Variants in NXN observed in about 807,000 individuals in gnomAD.
NXN encodes the protein nucleoredoxin 1.
Under a neutral mutation model 48.6 loss-of-function variants are expected in NXN, and 16 were observed. The ratio of observed to expected loss-of-function variants is 0.33; its 90% confidence interval spans 0.22 to 0.50. The LOEUF is 0.50. Among genes scored for constraint, NXN ranks in the 20% least tolerant of loss-of-function variants. The pLI, the probability that NXN is intolerant of heterozygous loss-of-function variation, is 0.98. For missense variants in NXN, 492 were observed against 605.5 expected (o/e 0.81, Z 1.97); for synonymous variants, 281 against 269.6 (o/e 1.04, Z -0.41).
intron 1 of NXN, among the ~76,000 whole-genome samples, chr17:959,936 T>G (rs947351326): frequency 4.0e-5 from 6 of 151,246 alleles, no homozygotes; most frequent in African/African-American, 1.5e-4. Flanking sequence ...CTACTAAAAA[T>G]ACAAAATTAG....
intron 1 of NXN, among the ~76,000 whole-genome samples, chr17:914,987 T>G (rs951764836): frequency 1.3e-5 from 2 of 151,812 alleles, no homozygotes; most frequent in African/African-American, 4.8e-5. Flanking sequence ...CAGGCTGGAG[T>G]GCAGTGGTGC....
chr17:842,513 C>T (rs1312026632), intron 1 of NXN: 15 of 985,452 alleles, frequency 1.5e-5, no homozygotes, highest in African/African-American at 1.7e-5. Context: ...CCGCGTCTCA[C>T]ATGCAACCCA....
chr17:808,658 G>A (rs1169745982), intron 5 of NXN, among the ~76,000 whole-genome samples: 2 of 146,914 alleles, frequency 1.4e-5, no homozygotes, highest in Non-Finnish European at 3.0e-5. Flanking sequence ...TATAAGTATT[G>A]GCTATTATTA....
intron 1 of NXN, among the ~76,000 whole-genome samples, chr17:934,913 A>C (rs551753722): frequency 6.6e-6 from 1 of 152,130 alleles, no homozygotes; most frequent in Admixed American, 6.6e-5. Flanking sequence ...CCCAGTCCCA[A>C]GCGGACTGTC....
intron 5 of NXN, among the ~76,000 whole-genome samples, chr17:818,954 T>C (rs542431574): frequency 1.3e-5 from 2 of 152,000 alleles, no homozygotes; most frequent in South Asian, 2.1e-4. Flanking sequence ...TATTTAGTAG[T>C]AGTATTTTTT....
chr17:886,431 A>G (rs28647527), intron 1 of NXN, among the ~76,000 whole-genome samples: 24,911 of 152,096 alleles, frequency 0.16, 2,164 homozygotes, highest in African/African-American at 0.21. Context: ...CCACTTGCTC[A>G]TGATTCTTCC....
At chr17:865,615 C>CT (rs1430070211) in intron 1 of NXN, among the ~76,000 whole-genome samples, 5 of 152,140 alleles carry the variant, frequency 3.3e-5, no homozygotes, top group African/African-American at 1.2e-4. Context: ...CTACAGAAGT[C>CT]AATAATGTCC....
At chr17:857,919 C>T (rs889708466) in intron 1 of NXN, among the ~76,000 whole-genome samples, 1 of 151,954 alleles carries the variant, frequency 6.6e-6, no homozygotes, top group African/African-American at 2.4e-5. Flanking sequence ...CAATAAATTA[C>T]TAACGTTTCT....
chr17:929,770 G>A (rs532792009), intron 1 of NXN: 1 of 151,884 alleles, frequency 6.6e-6, no homozygotes, highest in Non-Finnish European at 1.5e-5. Flanking sequence ...AAGAGCGTTT[G>A]GAATCCTTGC....
At chr17:954,747 A>T (rs1460474363) in intron 1 of NXN, among the ~76,000 whole-genome samples, 2 of 152,174 alleles carry the variant, frequency 1.3e-5, no homozygotes, top group Admixed American at 6.5e-5. Context: ...CAACAGGAAA[A>T]AGTACTGTGG....
chr17:827,399 G>A (rs1461185967), intron 1 of NXN, among the ~76,000 whole-genome samples: 1 of 152,148 alleles, frequency 6.6e-6, no homozygotes, highest in Non-Finnish European at 1.5e-5. Context: ...GAGGCGGGTG[G>A]ATCACGAGGC....
At chr17:803,034 C>T (rs755114300) in intron 7 of NXN, among the ~76,000 whole-genome samples, 3 of 152,154 alleles carry the variant, frequency 2.0e-5, no homozygotes, top group East Asian at 1.9e-4. Context: ...TGTGCTGAGT[C>T]GCGGAGACGC....
chr17:800,856 C>T lies in NXN; in HGVS notation c.*93G>A, dbSNP rs894033540. 11 of 834,120 alleles carry T rather than the reference C, an allele frequency of 1.3e-5. No homozygotes were observed. Among genetic ancestry groups the T allele is most frequent in the African/African-American group, 7.1e-5 (4 of 56,594 alleles). 51.7% of individuals were successfully genotyped at this position (834,120 alleles called of 1,614,324 possible). A position where few individuals can be genotyped will look rare whatever the true frequency, so the allele number is the denominator to read the frequency against. On this transcript the variant is annotated 3_prime_UTR_variant, in exon 8 of 8. Coordinates refer to ENST00000336868, the MANE Select transcript of NXN (RefSeq NM_022463.5). ...GGCTGGACACTTGGGTGGTGGGATTCGGGGCACGCTGGGTAAGTCCAAGGG... is the reference window on the plus strand; with the variant it reads ...GGCTGGACACTTGGGTGGTGGGATTTGGGGCACGCTGGGTAAGTCCAAGGG...
intron 1 of NXN, among the ~76,000 whole-genome samples, chr17:953,053 G>A (rs1269096366): frequency 6.6e-6 from 1 of 152,162 alleles, no homozygotes; most frequent in African/African-American, 2.4e-5. Context: ...GGTGGTCCCT[G>A]GAATCCAGTG....
chr17:873,634 C>G (rs1384543072), intron 1 of NXN, among the ~76,000 whole-genome samples: 1 of 151,984 alleles, frequency 6.6e-6, no homozygotes, highest in Non-Finnish European at 1.5e-5. Context: ...TTCTTGAGAC[C>G]TCCTTAGCTA....
At chr17:860,619 C>G (rs1222926151) in intron 1 of NXN, among the ~76,000 whole-genome samples, 1 of 151,578 alleles carries the variant, frequency 6.6e-6, no homozygotes, top group African/African-American at 2.4e-5. Context: ...GTCTTGAACT[C>G]CTGACCTCAG....
At chr17:893,262 C>A (rs111701703) in intron 1 of NXN, among the ~76,000 whole-genome samples, 1 of 152,220 alleles carries the variant, frequency 6.6e-6, no homozygotes, top group Non-Finnish European at 1.5e-5. Flanking sequence ...TTTCTGAGTG[C>A]GCATGGGTTG....
intron 1 of NXN, among the ~76,000 whole-genome samples, chr17:852,115 C>T (rs1330598872): frequency 1.3e-5 from 2 of 152,198 alleles, no homozygotes; most frequent in Admixed American, 6.5e-5. Flanking sequence ...ATCCTGTGGC[C>T]CTGGCTTATC....
At position 842,187 on chromosome 17, in the gene NXN, C is replaced by T. The variant is rs1007989013; in HGVS notation, c.361-16109G>A. ...CACCCTTCCAATTAAACCTGCTCGA[C>T]ATCCTTCCAGTTAAACCCGCCACTT... On this transcript the variant is annotated intron_variant, in intron 1 of 7. Transcript: ENST00000336868. Among the ~76,000 whole-genome samples, 3 of 152,068 alleles carry T rather than the reference C, an allele frequency of 2.0e-5. No homozygotes were observed. The East Asian group carries it at 5.8e-4, about 29-fold the overall frequency.
Sources: allele counts gnomAD v4.1 joint callset (sites outside exome capture counted in the v4.1 genomes callset), GRCh38; gene constraint gnomAD v4.1.1; transcripts MANE v1.5; gene names NCBI Gene and HGNC (gene_info 2026-07-23, HGNC 2026-07-21).